Variants in ODAPH observed in about 807,000 individuals in gnomAD.
ODAPH encodes odontogenesis associated phosphoprotein, also known as amelogenesis imperfecta type IIA4.
ODAPH carries 2 observed loss-of-function variants against 2.8 expected under a neutral mutation model. The ratio of observed to expected loss-of-function variants is 0.72; its 90% confidence interval spans 0.30 to 2.28. The LOEUF is 2.28. Among genes scored for constraint, ODAPH ranks in the 30% most tolerant of loss-of-function variants. The probability of loss-of-function intolerance (pLI) is 0.13; values close to 1 mark genes in which losing one functional copy is unlikely to be tolerated. For missense variants in ODAPH, 159 were observed against 163.3 expected (o/e 0.97, Z 0.14); for synonymous variants, 75 against 60.3 (o/e 1.24, Z -1.13).
Position 75,564,137 on chromosome 4 carries a change from C to T in ODAPH, c.91C>T (p.Pro31Ser). The T allele has an allele frequency of 6.2e-7, 1 of 1,614,174 alleles. No homozygotes were observed. Among genetic ancestry groups the T allele is most frequent in the Non-Finnish European group, 8.5e-7 (1 of 1,180,036 alleles). Residue 31 changes from proline (P) to serine (S), a missense_variant, in exon 2 of 2, where the codon CCT becomes TCT. By Grantham distance (74) the Pro-to-Ser change is moderately conservative (BLOSUM62 -1). Coordinates refer to ENST00000311623, the MANE Select transcript of ODAPH (RefSeq NM_178497.5). ...AGGACAAGAAGAGGTATTTACGCCT[C>T]CTGGAGATTCACAAAATAATGCGGA... ...AEGQEEVFTP[P>S]GDSQNNADAT...
chr4:75,560,880 G>A, intron 1 of ODAPH, among the ~76,000 whole-genome samples: 1 of 152,142 alleles, frequency 6.6e-6, no homozygotes, highest in East Asian at 1.9e-4. Flanking sequence ...TCAAGGCCTC[G>A]TTAAGCCTGA....
chr4:75,564,575 C>T lies in ODAPH; in HGVS notation c.*136C>T. On this transcript the variant is annotated 3_prime_UTR_variant, in exon 2 of 2. Coordinates refer to ENST00000311623, the MANE Select transcript of ODAPH (RefSeq NM_178497.5). ...GATTAAGTATCCTAAACATCACTGA[C>T]TAGAAACTGTTCTCTTTGTCAGCAG... The T allele has an allele frequency of 1.3e-6, 2 of 1,540,476 alleles. No homozygotes were observed. The highest frequency in any genetic ancestry group is 1.7e-6 in the Non-Finnish European group (2 of 1,145,174).
chr4:75,556,504 A>G, intron 1 of ODAPH: 1 of 1,512,474 alleles, frequency 6.6e-7, no homozygotes, highest in Non-Finnish European at 8.9e-7. Context: ...ACTAGTTATT[A>G]TGGTTACAAA....
intron 1 of ODAPH, 48 bp from the exon 2 acceptor site, chr4:75,564,066 G>A (rs1157417558): frequency 6.4e-7 from 1 of 1,564,952 alleles, no homozygotes; most frequent in South Asian, 1.1e-5. Context: ...CCACTCTTCT[G>A]CTTCTGTTAC....
intron 1 of ODAPH, chr4:75,563,483 A>G (rs1245881183): frequency 1.9e-5 from 3 of 158,156 alleles, no homozygotes; most frequent in Non-Finnish European, 2.8e-5. Context: ...ATGTAGATAT[A>G]TAGATAACCA....
rs761353356 is a variant in ODAPH, at chr4:75,564,736, T to C, written c.*297T>C. ...AAATGGGTGGCTCTAGTAATTCCTATCCATACTAAGATGCTGAGAGAATCC... is the reference window on the plus strand; with the variant it reads ...AAATGGGTGGCTCTAGTAATTCCTACCCATACTAAGATGCTGAGAGAATCC... On this transcript the variant is annotated 3_prime_UTR_variant, in exon 2 of 2. Coordinates refer to ENST00000311623, the MANE Select transcript of ODAPH (RefSeq NM_178497.5). The C allele has an allele frequency of 4.2e-5, 24 of 571,452 alleles. No homozygotes were observed. Among genetic ancestry groups the C allele is most frequent in the Non-Finnish European group, 6.4e-5 (21 of 325,756 alleles). 35.4% of individuals were successfully genotyped at this position (571,452 alleles called of 1,614,324 possible).
intron 1 of ODAPH, among the ~76,000 whole-genome samples, chr4:75,561,509 A>G: frequency 6.6e-6 from 1 of 152,082 alleles, no homozygotes; most frequent in East Asian, 1.9e-4. Flanking sequence ...GATTATTATA[A>G]GGATATCTCC....
At chr4:75,563,779 A>T (rs1034663912) in intron 1 of ODAPH, among the ~76,000 whole-genome samples, 1 of 152,176 alleles carries the variant, frequency 6.6e-6, no homozygotes, top group African/African-American at 2.4e-5. Flanking sequence ...ATTTCATTGT[A>T]TGAATATACA....
chr4:75,563,560 T>TA (rs1230844309), intron 1 of ODAPH, among the ~76,000 whole-genome samples: 1 of 152,146 alleles, frequency 6.6e-6, no homozygotes, highest in Non-Finnish European at 1.5e-5. Context: ...TGGCTACACT[T>TA]TCTGCTAAAA....
chr4:75,564,455 C>T lies in ODAPH; in HGVS notation c.*16C>T, dbSNP rs770731754. On this transcript the variant is annotated 3_prime_UTR_variant, in exon 2 of 2. Transcript: ENST00000311623. ...GGAAAGCTGAGAGGGAAGAGAAACC[C>T]AAACATACTGAAGCAAAAAAAAGCC... 9 of 1,613,714 alleles carry T rather than the reference C, an allele frequency of 5.6e-6. No individual in the cohort carries two copies. The Admixed American group carries it at 6.7e-5, about 12-fold the overall frequency.
Position 75,563,737 on chromosome 4 carries a change from T to C in ODAPH, c.68-377T>C, listed in dbSNP as rs75983245. Among the ~76,000 whole-genome samples the C allele has an allele frequency of 5.3e-3, 808 of 152,330 alleles. 4 individuals are homozygous for C. Among genetic ancestry groups the C allele is most frequent in the African/African-American group, 0.019 (769 of 41,564 alleles). ...ATGGGATGTATCCATGTTGTGGGTA[T>C]TAGTAGTTCTTCCTTTTTATCGCTG... is the stretch of plus-strand genomic sequence containing the variant. On this transcript the variant is annotated intron_variant, in intron 1 of 1. Transcript: ENST00000311623.
At chr4:75,565,839 C>T (rs561923741), downstream of ODAPH, 10 of 151,964 alleles carry the variant, frequency 6.6e-5, no homozygotes, top group East Asian at 1.9e-3. Flanking sequence ...ATAAAATCAT[C>T]ATGCTATGTT....
rs1727336612 is a variant in ODAPH at position 75,556,286 on chromosome 4, G to C, written c.67+137G>C. 6 of 946,022 alleles carry C rather than the reference G, an allele frequency of 6.3e-6. No homozygotes were observed. The East Asian group carries it at 1.5e-4, about 24-fold the overall frequency. The allele number at this position is 946,022 out of a possible 1,614,324, so 58.6% of individuals were successfully genotyped here. On this transcript the variant is annotated intron_variant, in intron 1 of 1. Transcript: ENST00000311623. ...GCTTCCATCAGCCTGTGTGGTTAAA[G>C]AGAAGGAAGTTGGATTTTGTCACCT...
intron 1 of ODAPH, among the ~76,000 whole-genome samples, chr4:75,558,839 G>A (rs1727452181): frequency 6.6e-6 from 1 of 152,148 alleles, no homozygotes; most frequent in African/African-American, 2.4e-5. Context: ...GGGATTACAA[G>A]TGTCTGCCAC....
At chr4:75,557,184 G>A (rs1727369517) in intron 1 of ODAPH, among the ~76,000 whole-genome samples, 1 of 152,128 alleles carries the variant, frequency 6.6e-6, no homozygotes, top group African/African-American at 2.4e-5. Flanking sequence ...AGGCCCCCAA[G>A]CCTCACCTAC....
In ODAPH at chr4:75,563,874, C is replaced by CT. The variant is rs373232414; in HGVS notation, c.68-240_68-239insT. Among the ~76,000 whole-genome samples, 814 of 152,266 alleles carry CT rather than the reference C, an allele frequency of 5.3e-3. 4 individuals are homozygous for CT. The highest frequency in any genetic ancestry group is 0.019 in the African/African-American group (772 of 41,542). On this transcript the variant is annotated intron_variant, in intron 1 of 1. Coordinates refer to ENST00000311623, the MANE Select transcript of ODAPH (RefSeq NM_178497.5). ...ATGAATAAGGCTACTGTGAACACCC[C>CT]GAACAAGTCTTTTTATAGACATAAT...
chr4:75,563,030 T>G (rs1486355475), intron 1 of ODAPH, among the ~76,000 whole-genome samples: 9 of 120,194 alleles, frequency 7.5e-5, no homozygotes, highest in South Asian at 5.9e-4. Context: ...TTTTTTTTTT[T>G]TTTTTTTTTT....
Position 75,564,229 on chromosome 4 carries a change from C to A in ODAPH, c.183C>A (p.Ala61=). The change falls in exon 2 of 2, where the codon GCC becomes GCA. Residue 61 remains alanine (A), a synonymous_variant. Transcript: ENST00000311623. ...CCCCGAGGAGTCCGGTCACAAGGGC[C>A]CAGCCCATCACAAAGACACCCAGGT... The part of the protein sequence containing the change: ...PPAPRSPVTR[A]QPITKTPRCP... 1 of 1,614,230 alleles carries A rather than the reference C, an allele frequency of 6.2e-7. No individual in the cohort carries two copies. The highest frequency in any genetic ancestry group is 2.2e-5 in the East Asian group (1 of 44,888).
rs1260732502 is a variant in ODAPH at position 75,556,636 on chromosome 4, G to A, written c.67+487G>A. 55 of 1,377,692 alleles carry A rather than the reference G, an allele frequency of 4.0e-5. No homozygotes were observed. The South Asian group carries it at 5.8e-4, about 15-fold the overall frequency. 85.3% of individuals were successfully genotyped at this position (1,377,692 alleles called of 1,614,324 possible). A position where few individuals can be genotyped will look rare whatever the true frequency, so the allele number is the denominator to read the frequency against. On this transcript the variant is annotated intron_variant, in intron 1 of 1. Coordinates refer to ENST00000311623, the MANE Select transcript of ODAPH (RefSeq NM_178497.5). ...TTTAATTAATCACATCTATTGAGCT[G>A]CATTTTGGTGCCACAGAGGTGGGCA...
Sources: allele counts gnomAD v4.1 joint callset (sites outside exome capture counted in the v4.1 genomes callset), GRCh38; gene constraint gnomAD v4.1.1; transcripts MANE v1.5; gene names NCBI Gene and HGNC (gene_info 2026-07-23, HGNC 2026-07-21).